Variants in RUVBL1 observed in about 807,000 individuals in gnomAD.
RUVBL1 encodes ruvB-like 1.
In RUVBL1, 4 loss-of-function variants were observed where a neutral mutation model predicts 52.4. The observed-to-expected ratio is 0.08, with a 90% confidence interval of 0.04 to 0.17. The LOEUF (loss-of-function observed/expected upper bound fraction) is 0.17. RUVBL1 is among the 10% of genes least tolerant of loss of function. RUVBL1 has a pLI of 1.00. For missense variants in RUVBL1, 298 were observed against 572.8 expected (o/e 0.52, Z 4.90); for synonymous variants, 217 against 214.4 (o/e 1.01, Z -0.10).
intron 1 of RUVBL1, among the ~76,000 whole-genome samples, chr3:128,144,453 G>A (rs1944074156): frequency 6.6e-6 from 1 of 152,180 alleles, no homozygotes. Context: ...CCAAATAATC[G>A]CAGTTCTGCA....
At chr3:128,069,660 T>C in intron 9 of RUVBL1, 1 of 1,613,924 alleles carries the variant, frequency 6.2e-7, no homozygotes, top group Non-Finnish European at 8.5e-7. Context: ...CCTGCTCTTC[T>C]GAGCCCGTCT....
exon 10 of RUVBL1, chr3:128,064,923 C>T: frequency 6.2e-7 from 1 of 1,613,904 alleles, no homozygotes; most frequent in Non-Finnish European, 8.5e-7. Flanking sequence ...ATCTGCTGGC[C>T]ACACGCACAG....
At chr3:128,090,981 G>A (rs1942819595) in intron 8 of RUVBL1, among the ~76,000 whole-genome samples, 1 of 152,170 alleles carries the variant, frequency 6.6e-6, no homozygotes, top group Admixed American at 6.5e-5. Flanking sequence ...CACAAGAACA[G>A]AATTTATAGA....
chr3:128,098,817 G>A (rs759185696), intron 7 of RUVBL1, 65 bp downstream of exon 7: 7 of 1,361,886 alleles, frequency 5.1e-6, no homozygotes, highest in Non-Finnish European at 7.4e-6. Flanking sequence ...AGAGCCGCAA[G>A]AGCATCTCAG....
chr3:128,123,937 C>T, upstream of RUVBL1: 1 of 1,234,344 alleles, frequency 8.1e-7, no homozygotes, highest in Non-Finnish European at 1.0e-6. Context: ...CACCCACTTC[C>T]GTCTGTGTCT....
upstream of RUVBL1, chr3:128,124,018 C>G (rs1368884480): frequency 1.0e-5 from 6 of 600,888 alleles, no homozygotes; most frequent in Non-Finnish European, 1.3e-5. Flanking sequence ...GGACCACGCC[C>G]CGGATTTGAT....
chr3:128,115,201 A>G (rs182453513), intron 2 of RUVBL1, among the ~76,000 whole-genome samples: 1 of 152,270 alleles, frequency 6.6e-6, no homozygotes, highest in East Asian at 1.9e-4. Context: ...AAAAGTTACC[A>G]ACACACCCAA....
At chr3:128,119,239 C>A in intron 2 of RUVBL1, 89 bp downstream of exon 2, 2 of 902,348 alleles carry the variant, frequency 2.2e-6, no homozygotes, top group Non-Finnish European at 3.5e-6. Flanking sequence ...TTTAGCTAAA[C>A]AAAGACTAGT....
chr3:128,137,116 C>A (rs1416193468), intron 1 of RUVBL1, among the ~76,000 whole-genome samples: 3 of 151,860 alleles, frequency 2.0e-5, no homozygotes, highest in Admixed American at 2.0e-4. Context: ...AAAATTGAAA[C>A]ACTTTAAATA....
At chr3:128,123,957 C>T, upstream of RUVBL1, 1 of 1,226,390 alleles carries the variant, frequency 8.2e-7, no homozygotes, top group Non-Finnish European at 1.0e-6. Context: ...TCCGGGTTGG[C>T]TTCCCCCGTA....
chr3:128,100,344 C>T (rs1039235428), intron 6 of RUVBL1, among the ~76,000 whole-genome samples: 2 of 152,250 alleles, frequency 1.3e-5, no homozygotes, highest in Admixed American at 6.5e-5. Context: ...ATGGAGGAAG[C>T]TGGCTAGCTC....
chr3:128,153,477 C>T (rs1429312098), exon 1 of RUVBL1: 4 of 1,465,426 alleles, frequency 2.7e-6, no homozygotes, highest in African/African-American at 1.5e-5. Context: ...GAGGGGCGGG[C>T]CGGGCGGGTG....
intron 2 of RUVBL1, among the ~76,000 whole-genome samples, chr3:128,118,288 T>C (rs986272834): frequency 6.6e-6 from 1 of 152,052 alleles, no homozygotes; most frequent in Non-Finnish European, 1.5e-5. Flanking sequence ...GAAAAAACTG[T>C]TCACAAATAT....
intron 4 of RUVBL1, among the ~76,000 whole-genome samples, chr3:128,102,695 CTG>C (rs1943133009): frequency 6.6e-6 from 1 of 152,196 alleles, no homozygotes; most frequent in South Asian, 2.1e-4. Context: ...TGGGGAATGA[CTG>C]TAAATGAGTA....
At position 128,082,192 on chromosome 3, in the gene RUVBL1, T is replaced by C; in HGVS notation, c.1211+291A>G. ...CTACCACATGGTCCCTGCTCTCTAG[T>C]TCTGTGCATCTTCTCTGCCACAAGA... On this transcript the variant is annotated intron_variant, in intron 10 of 10. Coordinates refer to ENST00000322623, the MANE Select transcript of RUVBL1 (RefSeq NM_003707.3). This position sits in a 1 kb window ranked among gnomAD's most constrained non-coding sequence, Gnocchi z 4.7. The C allele has an allele frequency of 2.7e-6, 1 of 371,266 alleles. No homozygotes were observed. The highest frequency in any genetic ancestry group is 4.9e-6 in the Non-Finnish European group (1 of 202,176). The allele number at this position is 371,266 out of a possible 1,614,324, so 23.0% of individuals were successfully genotyped here. A position where few individuals can be genotyped will look rare whatever the true frequency, so the allele number is the denominator to read the frequency against.
chr3:128,108,459 C>T (rs896845350), intron 3 of RUVBL1, among the ~76,000 whole-genome samples: 8 of 152,180 alleles, frequency 5.3e-5, no homozygotes, highest in African/African-American at 1.9e-4. Flanking sequence ...AATGCAAACA[C>T]ATACATCCAT....
intron 1 of RUVBL1, among the ~76,000 whole-genome samples, chr3:128,132,468 C>T (rs1264548883): frequency 1.3e-5 from 2 of 152,180 alleles, no homozygotes; most frequent in Admixed American, 1.3e-4. Flanking sequence ...CAGCTTGCAG[C>T]TCCCGGAGAG....
Position 128,067,330 on chromosome 3 carries a change from T to A in RUVBL1, c.940-2110A>T. ...TTGTACTGTGGGCACCGAGTAAAAT[T>A]GCATTCTTTCATCTGCTCAGAACTA... On this transcript the variant is annotated intron_variant, in intron 9 of 9. Transcript: ENST00000464873. This position sits in a 1 kb window ranked among gnomAD's most constrained non-coding sequence, Gnocchi z 4.1. The A allele has an allele frequency of 7.1e-7, 1 of 1,407,598 alleles. No individual in the cohort carries two copies. Among genetic ancestry groups the A allele is most frequent in the Non-Finnish European group, 9.7e-7 (1 of 1,027,740 alleles). 87.2% of individuals were successfully genotyped at this position (1,407,598 alleles called of 1,614,324 possible).
At chr3:128,151,815 C>T (rs1485305406) in intron 1 of RUVBL1, among the ~76,000 whole-genome samples, 2 of 152,106 alleles carry the variant, frequency 1.3e-5, no homozygotes, top group African/African-American at 4.8e-5. Flanking sequence ...AGTGGTGGAA[C>T]GAAGGAGGCA....
Sources: gnomAD v4.1 joint callset for allele counts (sites outside exome capture counted in the v4.1 genomes callset) on GRCh38, gnomAD v4.1.1 for gene constraint, Gnocchi (gnomAD v3.1) non-coding constraint, MANE v1.5 for transcripts, NCBI Gene and HGNC (gene_info 2026-07-23, HGNC 2026-07-21) for gene names.